The following CNTNAP2 variants were observed in gnomAD, a reference collection of about 807,000 sequenced individuals.
CNTNAP2 encodes the protein contactin-associated protein-like 2.
Under a neutral mutation model 155.2 loss-of-function variants are expected in CNTNAP2, and 98 were observed. That is an observed-to-expected ratio of 0.63 (90% CI 0.54 to 0.75). The LOEUF is 0.75. Among genes scored for constraint, CNTNAP2 ranks in the 30% least tolerant of loss-of-function variants. The probability of loss-of-function intolerance (pLI) is 0.00; values close to 1 mark genes in which losing one functional copy is unlikely to be tolerated. For missense variants in CNTNAP2, 1,727 were observed against 1,688.1 expected (o/e 1.02, Z -0.40); for synonymous variants, 651 against 631.2 (o/e 1.03, Z -0.47).
At chr7:148,365,589 T>C (rs1416620808) in intron 21 of CNTNAP2, among the ~76,000 whole-genome samples, 2 of 152,058 alleles carry the variant, frequency 1.3e-5, no homozygotes, top group Non-Finnish European at 2.9e-5. Context: ...CACTTGAACC[T>C]GGGAGGCAGA....
intron 13 of CNTNAP2, among the ~76,000 whole-genome samples, chr7:147,833,931 C>T (rs192657569): frequency 1.3e-5 from 2 of 152,254 alleles, no homozygotes; most frequent in African/African-American, 4.8e-5. Context: ...GATGGCAACG[C>T]AGGTGAACAA....
At chr7:146,904,654 G>A (rs1293328203) in intron 3 of CNTNAP2, among the ~76,000 whole-genome samples, 1 of 152,054 alleles carries the variant, frequency 6.6e-6, no homozygotes, top group Non-Finnish European at 1.5e-5. Context: ...TGTATTTTTA[G>A]TAGAGACGGG....
chr7:146,506,246 A>G (rs75467567), intron 1 of CNTNAP2, among the ~76,000 whole-genome samples: 10,027 of 152,194 alleles, frequency 0.066, 820 homozygotes, highest in African/African-American at 0.19. Flanking sequence ...CTCAGCAGTG[A>G]CCTGATGTAG....
chr7:146,741,922 G>C (rs971352908), intron 1 of CNTNAP2, among the ~76,000 whole-genome samples: 1 of 151,904 alleles, frequency 6.6e-6, no homozygotes, highest in Admixed American at 6.6e-5. Context: ...ACCCTAACAA[G>C]AGGCAATAGC....
intron 21 of CNTNAP2, among the ~76,000 whole-genome samples, chr7:148,379,962 C>A (rs371232025): frequency 6.6e-6 from 1 of 152,212 alleles, no homozygotes; most frequent in African/African-American, 2.4e-5. Context: ...AATGGAGTTG[C>A]TGCATTTCCT....
chr7:147,933,965 G>A (rs1372863060), intron 14 of CNTNAP2, among the ~76,000 whole-genome samples: 1 of 152,132 alleles, frequency 6.6e-6, no homozygotes, highest in Non-Finnish European at 1.5e-5. Flanking sequence ...AACCACAGAA[G>A]GCAAATACTG....
At chr7:146,209,750 T>G (rs1178024805) in intron 1 of CNTNAP2, among the ~76,000 whole-genome samples, 1 of 152,196 alleles carries the variant, frequency 6.6e-6, no homozygotes, top group East Asian at 1.9e-4. Context: ...AATCAATCAA[T>G]TAATTCAAAC....
intron 11 of CNTNAP2, among the ~76,000 whole-genome samples, chr7:147,508,820 G>A (rs371943765): frequency 1.3e-4 from 20 of 152,134 alleles, no homozygotes; most frequent in Admixed American, 2.6e-4. Context: ...TGACTCCTTC[G>A]CCTTCTGCCA....
intron 13 of CNTNAP2, among the ~76,000 whole-genome samples, chr7:147,829,783 G>A (rs555345266): frequency 1.3e-3 from 193 of 152,202 alleles, no homozygotes; most frequent in African/African-American, 4.4e-3. Context: ...AGTAACAATT[G>A]GAACAGGCCT....
intron 9 of CNTNAP2, among the ~76,000 whole-genome samples, chr7:147,370,873 T>C (rs930822439): frequency 6.6e-6 from 1 of 152,182 alleles, no homozygotes; most frequent in Non-Finnish European, 1.5e-5. Context: ...TTACTGATTT[T>C]ACATTTAAGT....
chr7:147,905,657 C>A (rs548901969), intron 14 of CNTNAP2, among the ~76,000 whole-genome samples: 2 of 152,288 alleles, frequency 1.3e-5, no homozygotes, highest in East Asian at 3.9e-4. Flanking sequence ...CCGAGGCCAG[C>A]AGATCACCTG....
At chr7:146,463,627 C>T (rs965935334) in intron 1 of CNTNAP2, among the ~76,000 whole-genome samples, 6 of 151,672 alleles carry the variant, frequency 4.0e-5, no homozygotes, top group East Asian at 3.9e-4. Context: ...CATATATGCA[C>T]ATGTATGAAT....
At chr7:147,973,738 CTT>C (rs1801377439) in intron 14 of CNTNAP2, among the ~76,000 whole-genome samples, 2 of 152,052 alleles carry the variant, frequency 1.3e-5, no homozygotes, top group Admixed American at 1.3e-4. Flanking sequence ...GGTGTTTTGG[CTT>C]ATATTCTGTT....
chr7:147,204,315 T>C (rs529095092), intron 8 of CNTNAP2, among the ~76,000 whole-genome samples: 4 of 152,198 alleles, frequency 2.6e-5, no homozygotes, highest in South Asian at 2.1e-4. Flanking sequence ...TGCATTTAAA[T>C]TGAAGATGAA....
intron 11 of CNTNAP2, among the ~76,000 whole-genome samples, chr7:147,507,389 G>A (rs986365849): frequency 4.6e-5 from 7 of 151,820 alleles, no homozygotes; most frequent in African/African-American, 7.3e-5. Flanking sequence ...CTCTTCACCC[G>A]CTCCTCCCCA....
At chr7:146,807,610 A>G (rs1009361401) in intron 2 of CNTNAP2, among the ~76,000 whole-genome samples, 3 of 151,888 alleles carry the variant, frequency 2.0e-5, no homozygotes, top group Admixed American at 6.6e-5. Flanking sequence ...ACCAAGGTCA[A>G]TTTTCCTTAC....
At chr7:146,448,671 G>A (rs1027824183) in intron 1 of CNTNAP2, among the ~76,000 whole-genome samples, 2 of 151,916 alleles carry the variant, frequency 1.3e-5, no homozygotes, top group Non-Finnish European at 2.9e-5. Flanking sequence ...TTCCTCTAAT[G>A]GTTGTATCTT....
chr7:146,668,038 T>C (rs753615370), intron 1 of CNTNAP2, among the ~76,000 whole-genome samples: 13 of 152,250 alleles, frequency 8.5e-5, no homozygotes, highest in Non-Finnish European at 1.8e-4. Flanking sequence ...TTAGCATCTT[T>C]GTCTTTTTTC....
At chr7:148,091,549 T>G (rs563851431) in intron 15 of CNTNAP2, among the ~76,000 whole-genome samples, 1 of 152,318 alleles carries the variant, frequency 6.6e-6, no homozygotes, top group African/African-American at 2.4e-5. Context: ...AAAGGCAATT[T>G]TTCTTTAGAT....
Sources: gnomAD v4.1 joint callset for allele counts (sites outside exome capture counted in the v4.1 genomes callset) on GRCh38, gnomAD v4.1.1 for gene constraint, MANE v1.5 for transcripts, NCBI Gene and HGNC (gene_info 2026-07-23, HGNC 2026-07-21) for gene names.